Variants in STK33 observed in about 807,000 individuals in gnomAD.
STK33 encodes serine/threonine-protein kinase 33.
In STK33, 52 loss-of-function variants were observed where a neutral mutation model predicts 58.0. The observed-to-expected ratio is 0.90, with a 90% CI of 0.72 to 1.13. The LOEUF is 1.13. Among genes scored for constraint, STK33 ranks in the 50% most tolerant of loss-of-function variants. STK33 has a pLI of 0.00. For synonymous variants in STK33, 215 were observed against 200.1 expected, an observed-to-expected ratio of 1.07 and a Z score of -0.63; for missense variants, 630 against 604.2, an observed-to-expected ratio of 1.04 and a Z score of -0.45.
chr11:8,467,795 A>T (rs542838562), intron 6 of STK33: 1 of 152,428 alleles, frequency 6.6e-6, no homozygotes, highest in Non-Finnish European at 1.5e-5. Context: ...AAATACAAAA[A>T]TTAGCTGGGT....
At chr11:8,389,444 G>A (rs1221156530), downstream of STK33, among the ~76,000 whole-genome samples, 2 of 152,226 alleles carry the variant, frequency 1.3e-5, no homozygotes, top group African/African-American at 4.8e-5. Context: ...AGACGGCAGA[G>A]CAGGCAGAGT....
intron 1 of STK33, among the ~76,000 whole-genome samples, chr11:8,517,281 G>A (rs1002814892): frequency 6.6e-6 from 1 of 152,180 alleles, no homozygotes. Context: ...CTGACTGTTA[G>A]AAGGAAAACT....
chr11:8,416,985 T>A (rs1941229438), intron 14 of STK33, among the ~76,000 whole-genome samples: 1 of 152,116 alleles, frequency 6.6e-6, no homozygotes, highest in Non-Finnish European at 1.5e-5. Flanking sequence ...GACTAACCAA[T>A]AATAAGTGGT....
intron 14 of STK33, among the ~76,000 whole-genome samples, chr11:8,419,165 G>C (rs773213864): frequency 3.9e-5 from 6 of 152,134 alleles, no homozygotes; most frequent in Non-Finnish European, 7.3e-5. Flanking sequence ...CGGTACCTAT[G>C]TCCAGAATGG....
chr11:8,456,880 G>A (rs951423059), intron 9 of STK33, among the ~76,000 whole-genome samples: 1 of 152,070 alleles, frequency 6.6e-6, no homozygotes, highest in African/African-American at 2.4e-5. Context: ...CAATCTAGTG[G>A]GGGATTTTGA....
chr11:8,446,759 A>G (rs1945526030), intron 11 of STK33, among the ~76,000 whole-genome samples: 1 of 152,218 alleles, frequency 6.6e-6, no homozygotes, highest in South Asian at 2.1e-4. Flanking sequence ...AAAACTGGCT[A>G]GCCATATGCA....
At chr11:8,497,529 G>A (rs1462531820) in intron 1 of STK33, among the ~76,000 whole-genome samples, 1 of 152,164 alleles carries the variant, frequency 6.6e-6, no homozygotes, top group Admixed American at 6.5e-5. Flanking sequence ...GAGTGTAGTA[G>A]CATGATCACA....
chr11:8,372,142 A>G, the STK33 span, among the ~76,000 whole-genome samples: 1 of 152,204 alleles, frequency 6.6e-6, no homozygotes, highest in East Asian at 1.9e-4. Flanking sequence ...TGCTGGGATT[A>G]CAGGTGTGAG....
intron 1 of STK33, among the ~76,000 whole-genome samples, chr11:8,583,319 C>T (rs2030781101): frequency 6.6e-6 from 1 of 151,940 alleles, no homozygotes; most frequent in Non-Finnish European, 1.5e-5. Flanking sequence ...GGGTGAAATC[C>T]AATTTGCCAA....
At chr11:8,349,253 G>A in the STK33 span, among the ~76,000 whole-genome samples, 1 of 152,242 alleles carries the variant, frequency 6.6e-6, no homozygotes, top group Non-Finnish European at 1.5e-5. Flanking sequence ...AACCCTTGAA[G>A]CAGTGTCTGA....
intron 1 of STK33, among the ~76,000 whole-genome samples, chr11:8,532,502 C>A (rs1347762359): frequency 6.6e-6 from 1 of 152,214 alleles, no homozygotes; most frequent in Admixed American, 6.5e-5. Flanking sequence ...CTTATTCTAC[C>A]TCAATTATAC....
At chr11:8,406,297 A>G (rs1590806648) in intron 15 of STK33, among the ~76,000 whole-genome samples, 1 of 152,176 alleles carries the variant, frequency 6.6e-6, no homozygotes, top group African/African-American at 2.4e-5. Flanking sequence ...TGTTGACATC[A>G]AGTCATATAA....
chr11:8,522,434 T>TG (rs905559261), intron 1 of STK33, among the ~76,000 whole-genome samples: 23 of 150,776 alleles, frequency 1.5e-4, no homozygotes, highest in African/African-American at 5.6e-4. Flanking sequence ...TGAGAACAGT[T>TG]GGACACAGGG....
At chr11:8,355,232 C>G in the STK33 span, among the ~76,000 whole-genome samples, 1 of 152,202 alleles carries the variant, frequency 6.6e-6, no homozygotes, top group Non-Finnish European at 1.5e-5. Flanking sequence ...AAGGTTTTAG[C>G]CTCAAAGTTC....
chr11:8,454,869 A>T (rs750797145), intron 9 of STK33, 37 bp from the exon 10 acceptor site: 26 of 1,492,984 alleles, frequency 1.7e-5, no homozygotes, highest in Non-Finnish European at 2.3e-5. Flanking sequence ...AATGAAATGA[A>T]TAATGGAAAA....
intron 1 of STK33, among the ~76,000 whole-genome samples, chr11:8,499,689 A>T (rs1951357289): frequency 1.3e-5 from 2 of 152,230 alleles, no homozygotes; most frequent in African/African-American, 4.8e-5. Flanking sequence ...CATCAATGAC[A>T]AACTGGATAA....
chr11:8,543,057 C>T (rs1404264981), intron 1 of STK33, among the ~76,000 whole-genome samples: 3 of 152,122 alleles, frequency 2.0e-5, no homozygotes, highest in Non-Finnish European at 4.4e-5. Flanking sequence ...CAGTTTGATG[C>T]CGCCCAATGC....
chr11:8,528,623 T>C (rs1344298799), intron 1 of STK33, among the ~76,000 whole-genome samples: 1 of 152,250 alleles, frequency 6.6e-6, no homozygotes, highest in Non-Finnish European at 1.5e-5. Flanking sequence ...CAAGATAATA[T>C]TTATATTCCT....
In STK33 at chr11:8,548,989, T is replaced by C. The variant is rs531157620; in HGVS notation, c.-466+45094A>G. On this transcript the variant is annotated intron_variant, in intron 1 of 15. Transcript: ENST00000687296. ...TGGTTTTGTATAAAGGATATCCAAA[T>C]TGGAAAGGAGAAAGCCAATTTATCC... Among the ~76,000 whole-genome samples the C allele has an allele frequency of 3.9e-5, 6 of 152,262 alleles. No individual in the cohort carries two copies. In the South Asian group the frequency reaches 8.3e-4, roughly 21 times the overall value.
Sources: allele counts gnomAD v4.1 joint callset (sites outside exome capture counted in the v4.1 genomes callset), GRCh38; gene constraint gnomAD v4.1.1; transcripts MANE v1.5; gene names NCBI Gene and HGNC (gene_info 2026-07-23, HGNC 2026-07-21).